PPFIA2: variants seen among roughly 807,000 people sequenced by gnomAD.
PPFIA2 encodes the protein liprin-alpha-2.
In PPFIA2, 46 loss-of-function variants were observed where a neutral mutation model predicts 175.5. That is an observed-to-expected ratio of 0.26 (90% CI 0.21 to 0.34). The LOEUF (loss-of-function observed/expected upper bound fraction) is 0.34. Ranked by LOEUF, PPFIA2 falls within the 10% of genes least tolerant of loss-of-function variation. The pLI is 1.00. For missense variants in PPFIA2, 1,179 were observed against 1,506.1 expected, an observed-to-expected ratio of 0.78 and a Z score of 3.60; for synonymous variants, 568 against 511.4, an observed-to-expected ratio of 1.11 and a Z score of -1.49.
At chr12:81,614,884 T>C (rs1332056732) in intron 4 of PPFIA2, among the ~76,000 whole-genome samples, 1 of 152,194 alleles carries the variant, frequency 6.6e-6, no homozygotes, top group East Asian at 1.9e-4. Context: ...GAGTCTTAGA[T>C]AAATTACGCA....
intron 4 of PPFIA2, among the ~76,000 whole-genome samples, chr12:81,643,215 A>T (rs2065598022): frequency 1.3e-5 from 2 of 151,664 alleles, no homozygotes; most frequent in African/African-American, 4.8e-5. Flanking sequence ...AGTCAAAGGG[A>T]TTATGATTTG....
chr12:81,339,555 A>C (rs1045978252), intron 20 of PPFIA2, among the ~76,000 whole-genome samples: 1 of 151,692 alleles, frequency 6.6e-6, no homozygotes, highest in African/African-American at 2.4e-5. Context: ...TTTGCTCCGA[A>C]TGTCTTTTTT....
chr12:81,481,490 G>A (rs1006394170), intron 4 of PPFIA2, among the ~76,000 whole-genome samples: 5 of 152,078 alleles, frequency 3.3e-5, no homozygotes, highest in African/African-American at 7.2e-5. Context: ...GACTGCAAAC[G>A]ATGCTACAAG....
chr12:81,372,594 A>T (rs1219710490), intron 11 of PPFIA2, among the ~76,000 whole-genome samples: 1 of 151,186 alleles, frequency 6.6e-6, no homozygotes, highest in African/African-American at 2.4e-5. Flanking sequence ...AAGGCTGTTG[A>T]AACCACAAAA....
chr12:81,323,280 T>C (rs547973571), intron 22 of PPFIA2, among the ~76,000 whole-genome samples: 141 of 152,244 alleles, frequency 9.3e-4, no homozygotes, highest in African/African-American at 3.3e-3. Context: ...AATTATGGGA[T>C]AGTGAGCATA....
intron 3 of PPFIA2, among the ~76,000 whole-genome samples, chr12:81,681,884 T>C (rs1036913187): frequency 6.6e-6 from 1 of 152,050 alleles, no homozygotes; most frequent in Admixed American, 6.6e-5. Flanking sequence ...AAAGAGTTAG[T>C]TGACTCTCGC....
chr12:81,367,482 T>C (rs1157132806), intron 13 of PPFIA2, among the ~76,000 whole-genome samples: 1 of 151,724 alleles, frequency 6.6e-6, no homozygotes, highest in Non-Finnish European at 1.5e-5. Flanking sequence ...CTATTGGTTA[T>C]TCTTCAAGTA....
intron 4 of PPFIA2, among the ~76,000 whole-genome samples, chr12:81,554,720 A>T (rs918825902): frequency 1.3e-5 from 2 of 152,096 alleles, no homozygotes; most frequent in African/African-American, 4.8e-5. Flanking sequence ...ATTGTATTCC[A>T]ATTAAGGGAA....
At chr12:81,645,865 C>A (rs1233695770) in intron 4 of PPFIA2, among the ~76,000 whole-genome samples, 1 of 152,198 alleles carries the variant, frequency 6.6e-6, no homozygotes, top group African/African-American at 2.4e-5. Flanking sequence ...AGCTCTTTTA[C>A]AAGAGGGGTT....
chr12:81,284,090 A>G, intron 25 of PPFIA2, 151 bp downstream of exon 25: 1 of 631,662 alleles, frequency 1.6e-6, no homozygotes, highest in Non-Finnish European at 2.8e-6. Context: ...AGAGTGCAGT[A>G]AAAGAAAACT....
At chr12:81,727,320 GCTCAT>G (rs1039847685) in intron 3 of PPFIA2, among the ~76,000 whole-genome samples, 1 of 151,264 alleles carries the variant, frequency 6.6e-6, no homozygotes, top group Non-Finnish European at 1.5e-5. Flanking sequence ...CTTTCTATTG[GCTCAT>G]TTAGCTCTTC....
intron 4 of PPFIA2, among the ~76,000 whole-genome samples, chr12:81,588,800 A>G (rs1264172065): frequency 1.3e-5 from 2 of 152,016 alleles, no homozygotes; most frequent in Non-Finnish European, 1.5e-5. Flanking sequence ...CACTGAAACC[A>G]CTGTTTCAGT....
chr12:81,683,184 A>T (rs1466190698), intron 3 of PPFIA2, among the ~76,000 whole-genome samples: 1 of 152,034 alleles, frequency 6.6e-6, no homozygotes, highest in African/African-American at 2.4e-5. Flanking sequence ...TTATTAAATG[A>T]CATCACCATT....
intron 5 of PPFIA2, among the ~76,000 whole-genome samples, chr12:81,447,666 T>C (rs1413437097): frequency 6.6e-6 from 1 of 152,228 alleles, no homozygotes; most frequent in Non-Finnish European, 1.5e-5. Context: ...AATTTCATTC[T>C]ATTTTCCCAT....
intron 4 of PPFIA2, among the ~76,000 whole-genome samples, chr12:81,600,127 A>C (rs2059642063): frequency 6.6e-6 from 1 of 151,940 alleles, no homozygotes; most frequent in African/African-American, 2.4e-5. Flanking sequence ...AAATGGCGGA[A>C]ATTAAGCTTG....
At chr12:81,575,165 G>A (rs1191777415) in intron 4 of PPFIA2, among the ~76,000 whole-genome samples, 3 of 151,752 alleles carry the variant, frequency 2.0e-5, no homozygotes, top group Non-Finnish European at 4.4e-5. Context: ...ATTTGTAAAT[G>A]CACGTTTAAT....
chr12:81,645,579 AT>A (rs892572753), intron 4 of PPFIA2, among the ~76,000 whole-genome samples: 6 of 152,342 alleles, frequency 3.9e-5, no homozygotes, highest in South Asian at 2.1e-4. Context: ...GAAAAGTATT[AT>A]TTTTTTCTTA....
intron 17 of PPFIA2, among the ~76,000 whole-genome samples, chr12:81,352,649 A>G (rs1277597310): frequency 2.6e-5 from 4 of 152,060 alleles, no homozygotes; most frequent in African/African-American, 9.7e-5. Context: ...AGAATGGTAA[A>G]TTAATTTCAC....
At chr12:81,322,989 T>C (rs1486190848) in intron 22 of PPFIA2, among the ~76,000 whole-genome samples, 1 of 152,164 alleles carries the variant, frequency 6.6e-6, no homozygotes, top group Non-Finnish European at 1.5e-5. Flanking sequence ...ATTTACTGGA[T>C]GGTAAGTGTG....
Sources: allele counts gnomAD v4.1 joint callset (sites outside exome capture counted in the v4.1 genomes callset), GRCh38; gene constraint gnomAD v4.1.1; transcripts MANE v1.5; gene names NCBI Gene and HGNC (gene_info 2026-07-23, HGNC 2026-07-21).